Variants in PDGFC observed in about 807,000 individuals in gnomAD.
The protein encoded by PDGFC is platelet-derived growth factor C.
Under a neutral mutation model 35.5 loss-of-function variants are expected in PDGFC, and 12 were observed. That is an observed-to-expected ratio of 0.34 (90% CI 0.22 to 0.55). PDGFC has a LOEUF of 0.55. Ranked by LOEUF, PDGFC falls within the 20% of genes least tolerant of loss-of-function variation. PDGFC has a pLI of 0.91. For synonymous variants in PDGFC, 159 were observed against 148.8 expected (o/e 1.07, Z -0.50); for missense variants, 322 against 412.4 (o/e 0.78, Z 1.90).
intron 1 of PDGFC, among the ~76,000 whole-genome samples, chr4:156,888,311 T>C (rs966653463): frequency 1.5e-4 from 23 of 152,198 alleles, no homozygotes; most frequent in African/African-American, 5.1e-4. Flanking sequence ...CTTCATATTA[T>C]GGTGTCATTT....
intron 3 of PDGFC, among the ~76,000 whole-genome samples, chr4:156,805,350 C>T (rs1452909761): frequency 1.3e-5 from 2 of 151,766 alleles, no homozygotes; most frequent in African/African-American, 4.8e-5. Flanking sequence ...TCTCTAAATA[C>T]AAAAAAATTC....
intron 1 of PDGFC, among the ~76,000 whole-genome samples, chr4:156,899,125 T>G (rs1253084619): frequency 2.0e-5 from 3 of 152,238 alleles, no homozygotes; most frequent in African/African-American, 7.2e-5. Context: ...GGGTTCCACA[T>G]TTGTGGATTC....
intron 1 of PDGFC, among the ~76,000 whole-genome samples, chr4:156,940,032 A>T (rs552404794): frequency 6.6e-6 from 1 of 152,258 alleles, no homozygotes; most frequent in Admixed American, 6.5e-5. Context: ...ATCTGAAGCA[A>T]TCAACAATAA....
chr4:156,785,491 G>A (rs1485798889), intron 3 of PDGFC, among the ~76,000 whole-genome samples: 1 of 152,132 alleles, frequency 6.6e-6, no homozygotes, highest in Non-Finnish European at 1.5e-5. Context: ...TGGGATTACG[G>A]ATGTGAGCCA....
At chr4:156,949,450 G>A (rs1579120117) in intron 1 of PDGFC, among the ~76,000 whole-genome samples, 1 of 151,064 alleles carries the variant, frequency 6.6e-6, no homozygotes, top group South Asian at 2.1e-4. Flanking sequence ...TTTCTCTCTC[G>A]CTCTTTCTCT....
rs185198063 is a variant in PDGFC, at chr4:156,928,884, G to T, written c.118+41902C>A. ...TTACTGAAGGACTGTTTATCTCTATGATGTTGGTTCTTAAGAGAACTGTCT... is the reference window on the plus strand; with the variant it reads ...TTACTGAAGGACTGTTTATCTCTATTATGTTGGTTCTTAAGAGAACTGTCT... On this transcript the variant is annotated intron_variant, in intron 1 of 5. Coordinates refer to ENST00000502773, the MANE Select transcript of PDGFC (RefSeq NM_016205.3). Among the ~76,000 whole-genome samples, 606 of 152,270 alleles carry T rather than the reference G, an allele frequency of 4.0e-3. 4 individuals are homozygous for T. The highest frequency in any genetic ancestry group is 9.7e-3 in the Admixed American group (149 of 15,300).
intron 1 of PDGFC, among the ~76,000 whole-genome samples, chr4:156,949,452 T>C (rs1484166542): frequency 6.6e-6 from 1 of 151,876 alleles, no homozygotes; most frequent in African/African-American, 2.4e-5. Flanking sequence ...TCTCTCTCGC[T>C]CTTTCTCTCT....
chr4:156,819,641 A>G (rs6827887), intron 2 of PDGFC, among the ~76,000 whole-genome samples: 9,047 of 152,268 alleles, frequency 0.059, 880 homozygotes, highest in African/African-American at 0.21. Flanking sequence ...AGCTCTGATG[A>G]AGATGTACGT....
intron 2 of PDGFC, among the ~76,000 whole-genome samples, chr4:156,820,033 G>A (rs1454835045): frequency 6.6e-6 from 1 of 152,202 alleles, no homozygotes; most frequent in Non-Finnish European, 1.5e-5. Context: ...ACTAGAATTG[G>A]AAGTGGAACC....
At chr4:156,855,953 T>G (rs1280708066) in intron 1 of PDGFC, among the ~76,000 whole-genome samples, 1 of 152,182 alleles carries the variant, frequency 6.6e-6, no homozygotes, top group Non-Finnish European at 1.5e-5. Flanking sequence ...GAAGGTATAC[T>G]TGAGGTCCAC....
chr4:156,794,808 T>C (rs1009784968), intron 3 of PDGFC, among the ~76,000 whole-genome samples: 9 of 152,128 alleles, frequency 5.9e-5, no homozygotes, highest in African/African-American at 2.2e-4. Context: ...TATCAACATT[T>C]TGTCAAGCAT....
At chr4:156,770,328 T>C (rs1283459734) in intron 4 of PDGFC, 1 of 152,030 alleles carries the variant, frequency 6.6e-6, no homozygotes, top group Non-Finnish European at 1.5e-5. Context: ...ATTTATGCAG[T>C]CCACAGTTTT....
chr4:156,908,430 AAATTAG>A (rs1283807617), intron 1 of PDGFC, among the ~76,000 whole-genome samples: 3 of 152,200 alleles, frequency 2.0e-5, no homozygotes, highest in Admixed American at 6.5e-5. Flanking sequence ...TAGAAATGCC[AAATTAG>A]AATTAGAATA....
chr4:156,891,109 A>C (rs565897322), intron 1 of PDGFC, among the ~76,000 whole-genome samples: 2 of 151,990 alleles, frequency 1.3e-5, no homozygotes, highest in South Asian at 4.2e-4. Flanking sequence ...ACAGCATGTT[A>C]CTAAACTAAA....
At chr4:156,830,577 T>C (rs1227700525) in intron 2 of PDGFC, among the ~76,000 whole-genome samples, 3 of 152,198 alleles carry the variant, frequency 2.0e-5, no homozygotes, top group Non-Finnish European at 4.4e-5. Context: ...ATGGCAAATA[T>C]GATCACATTT....
At chr4:156,827,052 A>G (rs1192110597) in intron 2 of PDGFC, among the ~76,000 whole-genome samples, 4 of 152,208 alleles carry the variant, frequency 2.6e-5, no homozygotes, top group African/African-American at 7.2e-5. Flanking sequence ...ATGCATCTGG[A>G]AAAATACTCT....
At chr4:156,938,885 C>A (rs907951464) in intron 1 of PDGFC, among the ~76,000 whole-genome samples, 16 of 151,368 alleles carry the variant, frequency 1.1e-4, no homozygotes, top group African/African-American at 3.9e-4. Context: ...ATTGTTCAAT[C>A]CTTAGAAAAA....
intron 2 of PDGFC, among the ~76,000 whole-genome samples, chr4:156,848,920 T>A (rs2111077943): frequency 6.6e-6 from 1 of 152,110 alleles, no homozygotes; most frequent in Middle Eastern, 3.4e-3. Context: ...CAGTGACTGC[T>A]ACTTTTGTAA....
At chr4:156,787,813 G>C (rs942855801) in intron 3 of PDGFC, among the ~76,000 whole-genome samples, 4 of 152,112 alleles carry the variant, frequency 2.6e-5, no homozygotes, top group African/African-American at 9.7e-5. Flanking sequence ...GGTAAGTAGC[G>C]TGAGGAAAGT....
Sources: gnomAD v4.1 joint callset for allele counts (sites outside exome capture counted in the v4.1 genomes callset) on GRCh38, gnomAD v4.1.1 for gene constraint, MANE v1.5 for transcripts, NCBI Gene and HGNC (gene_info 2026-07-23, HGNC 2026-07-21) for gene names.